The following CPA6 variants were observed in gnomAD, a reference collection of about 807,000 sequenced individuals.
The protein encoded by CPA6 is carboxypeptidase A6.
Under a neutral mutation model 63.3 loss-of-function variants are expected in CPA6, and 58 were observed. The ratio of observed to expected loss-of-function variants is 0.92; its 90% CI spans 0.74 to 1.14. The LOEUF is 1.14. Ranked by LOEUF, CPA6 falls within the 50% of genes most tolerant of loss-of-function variation. The pLI, the probability that CPA6 is intolerant of heterozygous loss-of-function variation, is 0.00. For missense variants in CPA6, 565 were observed against 526.6 expected, an observed-to-expected ratio of 1.07 and a Z score of -0.71; for synonymous variants, 185 against 179.0, an observed-to-expected ratio of 1.03 and a Z score of -0.27.
chr8:67,632,914 AG>A (rs1815376484), intron 1 of CPA6, among the ~76,000 whole-genome samples: 1 of 152,240 alleles, frequency 6.6e-6, no homozygotes, highest in African/African-American at 2.4e-5. Context: ...GTATATAAAA[AG>A]GTCTATATAT....
Position 67,422,581 on chromosome 8 carries a change from G to A in CPA6, c.1237C>T (p.Leu413Phe), listed in dbSNP as rs142597675. The A allele has an allele frequency of 5.9e-4, 950 of 1,614,032 alleles. 9 individuals are homozygous for A. In the African/African-American group the frequency reaches 0.011, roughly 18 times the overall value. Residue 413 changes from leucine to phenylalanine, a missense_variant, in exon 11 of 11, where the codon CTC (leucine) becomes TTC (phenylalanine). Transcript: ENST00000297770. ...GTTTCTGTACAGGTGGGTTTGATGA[G>A]CATCTCTGGGAGTAAAAATCCAAAA... ...GYFGFLLPEMLIKPTCTETML... is the reference protein window; with the variant it reads ...GYFGFLLPEMFIKPTCTETML...
chr8:67,706,772 T>C (rs947125417), intron 1 of CPA6, among the ~76,000 whole-genome samples: 1 of 152,176 alleles, frequency 6.6e-6, no homozygotes, highest in Admixed American at 6.5e-5. Flanking sequence ...AAAAGGTTTA[T>C]GAAAATCTTA....
intron 3 of CPA6, among the ~76,000 whole-genome samples, chr8:67,515,122 CA>C (rs754794834): frequency 2.6e-4 from 39 of 152,176 alleles, no homozygotes; most frequent in Non-Finnish European, 4.0e-4. Context: ...TCCCAAACCC[CA>C]AAACTCTGTG....
intron 6 of CPA6, among the ~76,000 whole-genome samples, chr8:67,488,373 T>C (rs1477064654): frequency 6.6e-6 from 1 of 152,090 alleles, no homozygotes; most frequent in Non-Finnish European, 1.5e-5. Context: ...AGATGTGTGG[T>C]GTTATTTCTG....
At chr8:67,437,314 G>C (rs572134606) in intron 8 of CPA6, among the ~76,000 whole-genome samples, 1 of 152,294 alleles carries the variant, frequency 6.6e-6, no homozygotes, top group African/African-American at 2.4e-5. Flanking sequence ...AGAATGGCAC[G>C]AACCCGGGAG....
chr8:67,482,368 T>G (rs1179974951), intron 8 of CPA6, among the ~76,000 whole-genome samples: 1 of 152,232 alleles, frequency 6.6e-6, no homozygotes, highest in East Asian at 1.9e-4. Context: ...AGTGAAAAGT[T>G]TTTTTTAAGT....
chr8:67,528,843 A>G (rs1330354697), intron 2 of CPA6, among the ~76,000 whole-genome samples: 1 of 151,908 alleles, frequency 6.6e-6, no homozygotes, highest in African/African-American at 2.4e-5. Context: ...TTTCCTAATA[A>G]AGTCACTTTT....
At chr8:67,509,348 A>G (rs73264780) in intron 5 of CPA6, among the ~76,000 whole-genome samples, 169 bp downstream of exon 5, 12,235 of 152,280 alleles carry the variant, frequency 0.08, 1,218 homozygotes, top group African/African-American at 0.23. Flanking sequence ...AATGGCAAAA[A>G]TGAAATATGG....
intron 1 of CPA6, among the ~76,000 whole-genome samples, chr8:67,704,377 CT>C (rs1817088896): frequency 6.6e-6 from 1 of 152,186 alleles, no homozygotes; most frequent in African/African-American, 2.4e-5. Context: ...TTCTTGTCTG[CT>C]TAAAAAGCAT....
chr8:67,434,135 T>C lies in CPA6; in HGVS notation c.944A>G (p.Lys315Arg), dbSNP rs1482480788. 1.2e-6 allele frequency: 2 copies of C among 1,614,108 alleles called. No homozygotes were observed. Among genetic ancestry groups the C allele is most frequent in the Admixed American group, 1.7e-5 (1 of 60,024 alleles). The stretch of plus-strand genomic sequence containing the variant: ...AAAGGAGAGATAAGCCCTAATGTGC[T>C]TTCTGTGTTTTCGAAGGAAGTTAGC... ...AVANFLRKHR[K>R]HIRAYLSFHA... is the part of the protein sequence containing the mutation. The change falls in exon 9 of 11, where the codon AAG (lysine) becomes AGG (arginine). Residue 315 changes from lysine to arginine, a missense_variant. By Grantham distance (26) the Lys-to-Arg change is conservative. Coordinates refer to ENST00000297770, the MANE Select transcript of CPA6 (RefSeq NM_020361.5).
chr8:67,508,157 C>T (rs1383555116), intron 5 of CPA6, among the ~76,000 whole-genome samples: 5 of 151,654 alleles, frequency 3.3e-5, no homozygotes, highest in Non-Finnish European at 7.4e-5. Flanking sequence ...GTACTGAGGC[C>T]ACTACTGCAA....
intron 1 of CPA6, among the ~76,000 whole-genome samples, chr8:67,727,445 C>A (rs892775016): frequency 2.6e-5 from 4 of 152,138 alleles, no homozygotes; most frequent in African/African-American, 9.7e-5. Context: ...CCCACTGCCC[C>A]CCTTAACCCC....
intron 1 of CPA6, among the ~76,000 whole-genome samples, chr8:67,710,325 T>TA (rs1359475530): frequency 6.6e-6 from 1 of 151,996 alleles, no homozygotes; most frequent in East Asian, 1.9e-4. Flanking sequence ...GTCAGGCTGT[T>TA]AGTTAATCTC....
intron 1 of CPA6, among the ~76,000 whole-genome samples, chr8:67,653,385 T>A (rs1815895940): frequency 6.6e-6 from 1 of 152,228 alleles, no homozygotes; most frequent in South Asian, 2.1e-4. Context: ...CATGGAATGT[T>A]CTTCCATTTG....
chr8:67,662,439 CG>C lies in CPA6; in HGVS notation c.117-38189del, dbSNP rs1242053739. Among the ~76,000 whole-genome samples the C allele has an allele frequency of 1.4e-4, 20 of 147,594 alleles. No individual in the cohort carries two copies. In the East Asian group the frequency reaches 3.8e-3, roughly 28 times the overall value. ...TATGTATATATAGAATACATACACA[CG>C]TATATGTATATATAGAATACATACA... On this transcript the variant is annotated intron_variant, in intron 1 of 10. Transcript: ENST00000297770.
intron 1 of CPA6, among the ~76,000 whole-genome samples, chr8:67,643,772 A>T (rs694028): frequency 0.64 from 97,062 of 152,072 alleles, 32,063 homozygotes; most frequent in African/African-American, 0.82. Flanking sequence ...TTACATATGA[A>T]ATTTCATCAA....
chr8:67,575,483 T>C (rs773330251), intron 2 of CPA6, among the ~76,000 whole-genome samples: 12 of 152,206 alleles, frequency 7.9e-5, no homozygotes, highest in Non-Finnish European at 1.3e-4. Flanking sequence ...AGAATCAACC[T>C]AAGTGTCCAT....
intron 8 of CPA6, among the ~76,000 whole-genome samples, chr8:67,467,468 G>T (rs1160300377): frequency 6.6e-6 from 1 of 152,112 alleles, no homozygotes; most frequent in African/African-American, 2.4e-5. Context: ...CCAAATCTTG[G>T]TAAGTAGTGC....
intron 6 of CPA6, among the ~76,000 whole-genome samples, chr8:67,491,765 A>G (rs1272193421): frequency 6.6e-6 from 1 of 152,198 alleles, no homozygotes; most frequent in African/African-American, 2.4e-5. Context: ...TATATACACA[A>G]ATTTGTTACT....
Sources: gnomAD v4.1 joint callset for allele counts (sites outside exome capture counted in the v4.1 genomes callset) on GRCh38, gnomAD v4.1.1 for gene constraint, MANE v1.5 for transcripts, NCBI Gene and HGNC (gene_info 2026-07-23, HGNC 2026-07-21) for gene names.